Variants in PTPRD observed in about 807,000 individuals in gnomAD.
PTPRD encodes the protein protein tyrosine phosphatase receptor type D.
In PTPRD, 34 loss-of-function variants were observed where a neutral mutation model predicts 214.5. The ratio of observed to expected loss-of-function variants is 0.16; its 90% CI spans 0.12 to 0.21. The LOEUF is 0.21. Among genes scored for constraint, PTPRD ranks in the 10% least tolerant of loss-of-function variants. PTPRD has a pLI of 1.00. For synonymous variants in PTPRD, 1,128 were observed against 845.7 expected, an observed-to-expected ratio of 1.33 and a Z score of -5.79; for missense variants, 2,545 against 2,398.7, an observed-to-expected ratio of 1.06 and a Z score of -1.27.
chr9:9,734,150 C>T (rs112445499), intron 7 of PTPRD, among the ~76,000 whole-genome samples: 17 of 152,262 alleles, frequency 1.1e-4, no homozygotes, highest in South Asian at 6.2e-4. Flanking sequence ...TGTGTCAGCT[C>T]ATCTTTGGTT....
chr9:8,370,149 T>C (rs1202891120), intron 39 of PTPRD, among the ~76,000 whole-genome samples: 1 of 151,996 alleles, frequency 6.6e-6, no homozygotes, highest in Non-Finnish European at 1.5e-5. Context: ...AATCACATTT[T>C]ATAAATAAGA....
intron 8 of PTPRD, among the ~76,000 whole-genome samples, chr9:9,503,927 G>C (rs1270461588): frequency 6.6e-6 from 1 of 151,656 alleles, no homozygotes; most frequent in East Asian, 1.9e-4. Flanking sequence ...TCCAACCTTG[G>C]AATGGTGCCA....
intron 7 of PTPRD, among the ~76,000 whole-genome samples, chr9:9,585,372 C>A (rs1040311406): frequency 6.6e-6 from 1 of 152,084 alleles, no homozygotes; most frequent in Admixed American, 6.6e-5. Context: ...AAATCTTCAT[C>A]TTTACAAGTT....
chr9:9,410,397 T>A (rs2075005916), intron 8 of PTPRD, among the ~76,000 whole-genome samples: 1 of 152,190 alleles, frequency 6.6e-6, no homozygotes, highest in African/African-American at 2.4e-5. Context: ...TTTGTGTCAT[T>A]GCCATTCATA....
At chr9:10,578,232 G>C (rs1349233412) in intron 2 of PTPRD, among the ~76,000 whole-genome samples, 2 of 151,792 alleles carry the variant, frequency 1.3e-5, no homozygotes, top group African/African-American at 2.4e-5. Flanking sequence ...TTTCACTGAG[G>C]GTTTCTCGAA....
intron 7 of PTPRD, among the ~76,000 whole-genome samples, chr9:9,654,897 C>T (rs2096467867): frequency 6.6e-6 from 1 of 151,814 alleles, no homozygotes; most frequent in Non-Finnish European, 1.5e-5. Flanking sequence ...ATATGAAATC[C>T]TTCAATGATT....
At chr9:10,547,781 G>A (rs1028794996) in intron 2 of PTPRD, among the ~76,000 whole-genome samples, 3 of 151,972 alleles carry the variant, frequency 2.0e-5, no homozygotes, top group African/African-American at 7.2e-5. Context: ...CTAAGCAATG[G>A]AGGAAGTAAC....
chr9:9,879,235 T>C (rs535656000), intron 5 of PTPRD, among the ~76,000 whole-genome samples: 2 of 152,312 alleles, frequency 1.3e-5, no homozygotes, highest in South Asian at 4.1e-4. Flanking sequence ...ACCTCCTTAG[T>C]ATTAACATTT....
intron 2 of PTPRD, among the ~76,000 whole-genome samples, chr9:10,403,725 T>C (rs902427198): frequency 2.6e-5 from 4 of 151,644 alleles, no homozygotes; most frequent in African/African-American, 9.7e-5. Flanking sequence ...AAATGCATAA[T>C]ACTAAGTGAA....
At chr9:9,944,396 G>C (rs891331924) in intron 4 of PTPRD, among the ~76,000 whole-genome samples, 26 of 140,422 alleles carry the variant, frequency 1.9e-4, no homozygotes, top group Admixed American at 1.4e-4. Flanking sequence ...CACTAAGGCT[G>C]GCACTTAAAA....
chr9:8,961,373 T>C (rs1288560508), intron 11 of PTPRD, among the ~76,000 whole-genome samples: 2 of 152,156 alleles, frequency 1.3e-5, no homozygotes, highest in African/African-American at 4.8e-5. Context: ...CGTGTCATCA[T>C]GGTCATTTCA....
intron 10 of PTPRD, among the ~76,000 whole-genome samples, chr9:9,176,176 T>C (rs2120924): frequency 0.56 from 84,818 of 152,036 alleles, 23,655 homozygotes; most frequent in South Asian, 0.7. Flanking sequence ...GTAAGAAGGT[T>C]GTCAGCTTGC....
intron 3 of PTPRD, among the ~76,000 whole-genome samples, chr9:10,292,207 T>C (rs1324613160): frequency 6.6e-6 from 1 of 151,956 alleles, no homozygotes; most frequent in Admixed American, 6.6e-5. Context: ...TGAGGAGACA[T>C]GTTGAATCTA....
chr9:9,271,178 A>G (rs1942766652), intron 9 of PTPRD, among the ~76,000 whole-genome samples: 1 of 151,288 alleles, frequency 6.6e-6, no homozygotes, highest in South Asian at 2.1e-4. Context: ...TTAGTCATAC[A>G]TCTCAATTTA....
At chr9:10,406,245 T>A (rs963486195) in intron 2 of PTPRD, among the ~76,000 whole-genome samples, 6 of 151,452 alleles carry the variant, frequency 4.0e-5, no homozygotes, top group South Asian at 4.1e-4. Context: ...TCACATAATT[T>A]AAAAAGAGAA....
intron 43 of PTPRD, among the ~76,000 whole-genome samples, chr9:8,332,312 T>G (rs1842255452): frequency 6.6e-6 from 1 of 152,138 alleles, no homozygotes; most frequent in South Asian, 2.1e-4. Flanking sequence ...AACCCGGTAG[T>G]TGCTGTTAAC....
At chr9:9,185,158 G>C (rs2099930562) in intron 9 of PTPRD, among the ~76,000 whole-genome samples, 2 of 152,118 alleles carry the variant, frequency 1.3e-5, no homozygotes, top group African/African-American at 4.8e-5. Context: ...TAATGCCAAT[G>C]GAGAGAAAAT....
At chr9:9,050,643 C>A (rs543455450) in intron 10 of PTPRD, among the ~76,000 whole-genome samples, 11 of 151,728 alleles carry the variant, frequency 7.2e-5, no homozygotes, top group Non-Finnish European at 1.6e-4. Context: ...CTCAGACAGT[C>A]TTGCTCCTTC....
intron 3 of PTPRD, among the ~76,000 whole-genome samples, chr9:10,219,520 C>T (rs527275427): frequency 1.3e-5 from 2 of 151,832 alleles, no homozygotes; most frequent in East Asian, 3.9e-4. Context: ...GGATGAGAGG[C>T]CCATTTGTGT....
Sources: allele counts gnomAD v4.1 joint callset (sites outside exome capture counted in the v4.1 genomes callset), GRCh38; gene constraint gnomAD v4.1.1; transcripts MANE v1.5; gene names NCBI Gene and HGNC (gene_info 2026-07-23, HGNC 2026-07-21).